Variants in CTNNA3 observed in about 807,000 individuals in gnomAD.
CTNNA3 encodes the protein catenin alpha-3.
Under a neutral mutation model 95.7 loss-of-function variants are expected in CTNNA3, and 76 were observed. The observed-to-expected ratio is 0.79, with a 90% CI of 0.66 to 0.96. The LOEUF (loss-of-function observed/expected upper bound fraction) is 0.96, where lower values mean the gene tolerates loss of function less well. Ranked by LOEUF, CTNNA3 falls within the 40% of genes least tolerant of loss-of-function variation. The pLI is 0.00. For synonymous variants in CTNNA3, 431 were observed against 374.4 expected, an observed-to-expected ratio of 1.15 and a Z score of -1.74; for missense variants, 1,191 against 1,089.8, an observed-to-expected ratio of 1.09 and a Z score of -1.31.
Position 66,189,396 on chromosome 10 carries a change from T to C in CTNNA3, c.1885-86147A>G, listed in dbSNP as rs538429448. Among the ~76,000 whole-genome samples, 16 of 151,958 alleles carry C rather than the reference T, an allele frequency of 1.1e-4. No individual in the cohort carries two copies. The South Asian group carries it at 3.3e-3, about 32-fold the overall frequency. On this transcript the variant is annotated intron_variant, in intron 13 of 17. Coordinates refer to ENST00000433211, the MANE Select transcript of CTNNA3 (RefSeq NM_013266.4). ...ATTTATTTTGAGTTGATTTTGTGTA[T>C]AGTATGAGTCCAATTTCATTCTTTT...
intron 1 of CTNNA3, chr10:67,750,687 A>T: frequency 6.4e-7 from 1 of 1,555,658 alleles, no homozygotes; most frequent in South Asian, 1.1e-5. Context: ...TCGGTGGAAA[A>T]GCAATGTTCT....
At chr10:66,021,288 AT>A (rs2079200314) in intron 15 of CTNNA3, among the ~76,000 whole-genome samples, 1 of 152,112 alleles carries the variant, frequency 6.6e-6, no homozygotes, top group Non-Finnish European at 1.5e-5. Flanking sequence ...AATTTATCCA[AT>A]CTTTTTTTAA....
rs570822775 is a variant in CTNNA3, at chr10:65,940,456, T to C, written c.2401-19839A>G. ...ATGTGTTTTTTATATTAATGGCCAC[T>C]ATTCACTCTGATGTTATTATAGATT... On this transcript the variant is annotated intron_variant, in intron 17 of 17. Transcript: ENST00000433211. Among the ~76,000 whole-genome samples, 23 of 152,346 alleles carry C rather than the reference T, an allele frequency of 1.5e-4. No homozygotes were observed. The South Asian group carries it at 4.8e-3, about 32-fold the overall frequency.
rs141742915 is a variant in CTNNA3 at position 67,061,498 on chromosome 10, G to C, written c.1047+118819C>G. On this transcript the variant is annotated intron_variant, in intron 7 of 17. Coordinates refer to ENST00000433211, the MANE Select transcript of CTNNA3 (RefSeq NM_013266.4). ...ATACCATTTGGCTCTTCTTATCTCTGTTCTGCATCTTTAGCTGGAGTGGAG... is the reference window on the plus strand; with the variant it reads ...ATACCATTTGGCTCTTCTTATCTCTCTTCTGCATCTTTAGCTGGAGTGGAG... Among the ~76,000 whole-genome samples the C allele has an allele frequency of 4.1e-4, 63 of 152,146 alleles. No homozygotes were observed. The East Asian group carries it at 0.01, about 25-fold the overall frequency.
chr10:66,110,511 T>C (rs1025085421), intron 13 of CTNNA3, among the ~76,000 whole-genome samples: 3 of 152,128 alleles, frequency 2.0e-5, no homozygotes, highest in Admixed American at 6.6e-5. Flanking sequence ...TCTCTATATA[T>C]ACACACACAA....
At chr10:66,580,909 C>A (rs1286963468) in intron 10 of CTNNA3, among the ~76,000 whole-genome samples, 1 of 151,664 alleles carries the variant, frequency 6.6e-6, no homozygotes, top group Non-Finnish European at 1.5e-5. Context: ...CCCCCTCACC[C>A]CTTTTAAGTC....
chr10:66,280,745 T>G (rs2091478376), intron 12 of CTNNA3, 124 bp from the exon 13 acceptor site: 2 of 629,584 alleles, frequency 3.2e-6, no homozygotes, highest in Middle Eastern at 8.9e-4. Context: ...TTAATTGTAT[T>G]TTTTAAATAT....
chr10:67,338,947 G>C (rs895890699), intron 5 of CTNNA3, among the ~76,000 whole-genome samples: 1 of 152,158 alleles, frequency 6.6e-6, no homozygotes, highest in African/African-American at 2.4e-5. Context: ...CTTGAAGTTT[G>C]CTCCCCTCTT....
At chr10:67,084,261 C>T (rs1382559661) in intron 7 of CTNNA3, among the ~76,000 whole-genome samples, 1 of 151,990 alleles carries the variant, frequency 6.6e-6, no homozygotes, top group Non-Finnish European at 1.5e-5. Flanking sequence ...CAAAAATCTA[C>T]ACCTGGAGTG....
chr10:65,955,850 T>C (rs573066604), intron 17 of CTNNA3, among the ~76,000 whole-genome samples: 2 of 152,228 alleles, frequency 1.3e-5, no homozygotes, highest in East Asian at 3.9e-4. Context: ...TAAAATTCTC[T>C]TTTTTTGTTG....
intron 5 of CTNNA3, among the ~76,000 whole-genome samples, chr10:67,259,012 ATTG>A (rs1376278455): frequency 3.3e-5 from 5 of 152,156 alleles, no homozygotes; most frequent in Non-Finnish European, 7.4e-5. Flanking sequence ...TATGTAAATA[ATTG>A]TTGTACTATA....
At chr10:66,027,764 A>G (rs916061865) in intron 15 of CTNNA3, among the ~76,000 whole-genome samples, 2 of 152,198 alleles carry the variant, frequency 1.3e-5, no homozygotes, top group African/African-American at 2.4e-5. Context: ...TATTTGGTTT[A>G]TAAATAGTCA....
chr10:66,677,833 C>G (rs1173758184), intron 9 of CTNNA3, among the ~76,000 whole-genome samples: 4 of 151,230 alleles, frequency 2.6e-5, no homozygotes, highest in Non-Finnish European at 4.4e-5. Context: ...TAGACTAATA[C>G]AAAAGATTTT....
At chr10:66,445,772 G>A (rs1277269575) in intron 11 of CTNNA3, among the ~76,000 whole-genome samples, 1 of 147,676 alleles carries the variant, frequency 6.8e-6, no homozygotes, top group Non-Finnish European at 1.5e-5. Flanking sequence ...AACTAGAAAA[G>A]CAAGAGCAAA....
chr10:67,648,568 C>T (rs1351682223), intron 1 of CTNNA3, among the ~76,000 whole-genome samples: 2 of 152,282 alleles, frequency 1.3e-5, no homozygotes, highest in East Asian at 1.9e-4. Flanking sequence ...AGGGTGGCTA[C>T]AATTCCTTTA....
At chr10:67,274,597 G>C (rs1424623589) in intron 5 of CTNNA3, among the ~76,000 whole-genome samples, 1 of 152,096 alleles carries the variant, frequency 6.6e-6, no homozygotes, top group African/African-American at 2.4e-5. Context: ...GGAGGCTGAG[G>C]CCAGCGGATT....
chr10:66,761,632 T>C (rs930519453), intron 9 of CTNNA3, among the ~76,000 whole-genome samples: 5 of 152,130 alleles, frequency 3.3e-5, no homozygotes, highest in Admixed American at 6.6e-5. Flanking sequence ...GTGATAGCCA[T>C]TTAATCATAA....
chr10:66,921,732 T>C (rs1385924547), intron 7 of CTNNA3, among the ~76,000 whole-genome samples: 1 of 151,806 alleles, frequency 6.6e-6, no homozygotes, highest in Non-Finnish European at 1.5e-5. Flanking sequence ...CAATCTTCCT[T>C]ATATTTTTCT....
intron 7 of CTNNA3, among the ~76,000 whole-genome samples, chr10:66,902,564 A>C (rs1242653232): frequency 6.6e-6 from 1 of 152,222 alleles, no homozygotes; most frequent in Non-Finnish European, 1.5e-5. Context: ...GACACAAAAA[A>C]ACACTTCAAA....
Sources: allele counts gnomAD v4.1 joint callset (sites outside exome capture counted in the v4.1 genomes callset), GRCh38; gene constraint gnomAD v4.1.1; transcripts MANE v1.5; gene names NCBI Gene and HGNC (gene_info 2026-07-23, HGNC 2026-07-21).